The following WWC1 variants were observed in gnomAD, a reference collection of about 807,000 sequenced individuals.
The protein encoded by WWC1 is protein KIBRA.
In WWC1, 55 loss-of-function variants were observed where a neutral mutation model predicts 138.4. The ratio of observed to expected loss-of-function variants is 0.40; its 90% CI spans 0.32 to 0.50. The LOEUF (loss-of-function observed/expected upper bound fraction) is 0.50, where lower values mean the gene tolerates loss of function less well. Ranked by LOEUF, WWC1 falls within the 20% of genes least tolerant of loss-of-function variation. The pLI is 0.72. For synonymous variants in WWC1, 524 were observed against 564.9 expected (o/e 0.93, Z 1.03); for missense variants, 1,226 against 1,420.4 (o/e 0.86, Z 2.20).
chr5:168,309,422 A>G (rs1198438080), intron 1 of WWC1, among the ~76,000 whole-genome samples: 3 of 149,922 alleles, frequency 2.0e-5, no homozygotes, highest in Non-Finnish European at 4.4e-5. Context: ...CAACATAGGC[A>G]TGGTTCCCAT....
chr5:168,356,094 A>G lies in WWC1; in HGVS notation c.120-15330A>G, dbSNP rs115995802. Among the ~76,000 whole-genome samples, 1,198 of 152,334 alleles carry G rather than the reference A, an allele frequency of 7.9e-3. 5 individuals are homozygous for G. The highest frequency in any genetic ancestry group is 0.02 in the Middle Eastern group (6 of 294). On this transcript the variant is annotated intron_variant, in intron 1 of 22. Coordinates refer to ENST00000265293, the MANE Select transcript of WWC1 (RefSeq NM_015238.3). ...TGGGGATCGGTTCTCCCATCTAGGT[A>G]GGACATGGAGAGTGAACAGCAAGGG... is the stretch of plus-strand genomic sequence containing the variant.
At chr5:168,329,970 C>T (rs1392173295) in intron 1 of WWC1, among the ~76,000 whole-genome samples, 1 of 151,990 alleles carries the variant, frequency 6.6e-6, no homozygotes, top group African/African-American at 2.4e-5. Context: ...ATTAGCCGGG[C>T]GTGGTGGCAG....
chr5:168,374,983 T>C (rs1471544860), intron 2 of WWC1, among the ~76,000 whole-genome samples: 1 of 152,126 alleles, frequency 6.6e-6, no homozygotes, highest in African/African-American at 2.4e-5. Context: ...ATCAACCAAG[T>C]GGAGAAAACT....
intron 3 of WWC1, among the ~76,000 whole-genome samples, chr5:168,397,353 G>A (rs560910900): frequency 1.3e-5 from 2 of 152,104 alleles, no homozygotes; most frequent in African/African-American, 4.8e-5. Flanking sequence ...ATGTTGGCCA[G>A]GCTGGTCTTA....
chr5:168,343,529 T>TAA (rs1419293650), intron 1 of WWC1, among the ~76,000 whole-genome samples: 1 of 152,114 alleles, frequency 6.6e-6, no homozygotes, highest in Non-Finnish European at 1.5e-5. Context: ...GGCTGACATA[T>TAA]ATTAAGAGTT....
chr5:168,329,983 G>A lies in WWC1; in HGVS notation c.119+37712G>A, dbSNP rs977276640. ...AAATTAGCCGGGCGTGGTGGCAGGC[G>A]TATGTAGCCACAGCTACTTGGGAGG... On this transcript the variant is annotated intron_variant, in intron 1 of 22. Transcript: ENST00000265293. 2.6e-4 allele frequency among the ~76,000 whole-genome samples: 39 copies of A among 152,192 alleles called. 1 individual carries two copies. The East Asian group carries it at 6.0e-3, about 23-fold the overall frequency.
intron 2 of WWC1, among the ~76,000 whole-genome samples, chr5:168,374,513 G>T (rs893989947): frequency 1.3e-5 from 2 of 152,224 alleles, no homozygotes; most frequent in Middle Eastern, 3.4e-3. Flanking sequence ...CACATTTAGC[G>T]GTCAAGGGAT....
At chr5:168,341,590 G>T (rs1774040235) in intron 1 of WWC1, among the ~76,000 whole-genome samples, 2 of 151,918 alleles carry the variant, frequency 1.3e-5, no homozygotes, top group South Asian at 4.1e-4. Flanking sequence ...CTATGCTTTA[G>T]ATCTAAAACC....
At chr5:168,406,426 ACT>A in intron 6 of WWC1, 99 bp downstream of exon 6, 1 of 1,514,156 alleles carries the variant, frequency 6.6e-7, no homozygotes, top group Non-Finnish European at 9.0e-7. Context: ...TACACACATC[ACT>A]GAGTTCTCAT....
chr5:168,339,095 A>C (rs1349505031), intron 1 of WWC1, among the ~76,000 whole-genome samples: 2 of 152,222 alleles, frequency 1.3e-5, no homozygotes, highest in Non-Finnish European at 2.9e-5. Context: ...ATGTACAATT[A>C]TGTGCTAATT....
chr5:168,466,983 C>T (rs767168522), intron 21 of WWC1, among the ~76,000 whole-genome samples: 2 of 152,196 alleles, frequency 1.3e-5, no homozygotes, highest in South Asian at 4.1e-4. Context: ...GGCTTTAGGC[C>T]GGACGCGGTG....
rs57187598 is a variant in WWC1 at position 168,470,071 on chromosome 5, AG to A, written c.*1058del. On this transcript the variant is annotated 3_prime_UTR_variant, in exon 23 of 23. Transcript: ENST00000265293. ...CATCATCCCATGTCGTCCCCAACCCAGGGGCTGGTAGGTGCTACAGCTTGTG... is the reference window on the plus strand; with the variant it reads ...CATCATCCCATGTCGTCCCCAACCCAGGGCTGGTAGGTGCTACAGCTTGTG... The A allele has an allele frequency of 1, 152,204 of 152,204 alleles. 76,102 individuals carry two copies. Among genetic ancestry groups the A allele is most frequent in the Non-Finnish European group, 1 (68,082 of 68,082 alleles). The allele number at this position is 152,204 out of a possible 1,614,324, so 9.4% of individuals were successfully genotyped here.
intron 11 of WWC1, among the ~76,000 whole-genome samples, chr5:168,425,951 T>C (rs1406457193): frequency 1.3e-5 from 2 of 152,208 alleles, no homozygotes; most frequent in Admixed American, 1.3e-4. Flanking sequence ...TGCTGAGTTC[T>C]GTCTACAAAA....
At chr5:168,467,732 G>T in intron 21 of WWC1, 108 bp from the exon 22 acceptor site, 1 of 1,487,340 alleles carries the variant, frequency 6.7e-7, no homozygotes, top group Non-Finnish European at 9.1e-7. Flanking sequence ...TGGAGCAAGA[G>T]TGAGGGTGCC....
intron 2 of WWC1, among the ~76,000 whole-genome samples, chr5:168,373,281 T>C (rs966767763): frequency 6.6e-6 from 1 of 151,724 alleles, no homozygotes; most frequent in African/African-American, 2.4e-5. Context: ...GTTGGAAAAA[T>C]GGAAGAAAGT....
At chr5:168,396,299 C>T (rs1778899326) in intron 3 of WWC1, among the ~76,000 whole-genome samples, 1 of 152,222 alleles carries the variant, frequency 6.6e-6, no homozygotes, top group South Asian at 2.1e-4. Context: ...AGGAGAACAG[C>T]TTGAACCCAG....
chr5:168,466,938 A>C (rs534696278), intron 21 of WWC1, among the ~76,000 whole-genome samples: 90 of 152,252 alleles, frequency 5.9e-4, no homozygotes, highest in African/African-American at 1.9e-3. Context: ...AAAAATTAGC[A>C]TCTATGACTT....
At chr5:168,419,416 G>A (rs1011327984) in intron 9 of WWC1, among the ~76,000 whole-genome samples, 2 of 152,180 alleles carry the variant, frequency 1.3e-5, no homozygotes, top group African/African-American at 4.8e-5. Flanking sequence ...TCTACATGGT[G>A]GGCACTGTGC....
rs548639937 is a variant in WWC1 at position 168,411,854 on chromosome 5, G to A, written c.941+1859G>A. The A allele has an allele frequency of 6.8e-6, 3 of 440,986 alleles. No individual in the cohort carries two copies. In the East Asian group the frequency reaches 4.7e-4, roughly 70 times the overall value. 27.3% of individuals were successfully genotyped at this position (440,986 alleles called of 1,614,324 possible). A position where few individuals can be genotyped will look rare whatever the true frequency, so the allele number is the denominator to read the frequency against. ...TCTAGGCATGCGTCGTGTTTCCAGTGCTGGGAAAAGTCAGCTGTATGGGAA... is the reference window on the plus strand; with the variant it reads ...TCTAGGCATGCGTCGTGTTTCCAGTACTGGGAAAAGTCAGCTGTATGGGAA... On this transcript the variant is annotated intron_variant, in intron 8 of 22. Coordinates refer to ENST00000265293, the MANE Select transcript of WWC1 (RefSeq NM_015238.3).
Sources: gnomAD v4.1 joint callset for allele counts (sites outside exome capture counted in the v4.1 genomes callset) on GRCh38, gnomAD v4.1.1 for gene constraint, MANE v1.5 for transcripts, NCBI Gene and HGNC (gene_info 2026-07-23, HGNC 2026-07-21) for gene names.